The following TLL2 variants were observed in gnomAD, a reference collection of about 807,000 sequenced individuals.
TLL2 encodes tolloid-like protein 2.
A neutral mutation model predicts 123.0 loss-of-function variants in TLL2; 106 were observed. The observed-to-expected ratio is 0.86, with a 90% CI of 0.74 to 1.01. The LOEUF is 1.01. Among genes scored for constraint, TLL2 ranks in the 50% least tolerant of loss-of-function variants. The probability of loss-of-function intolerance (pLI) is 0.00; values close to 1 mark genes in which losing one functional copy is unlikely to be tolerated. For synonymous variants in TLL2, 494 were observed against 516.8 expected (o/e 0.96, Z 0.60); for missense variants, 1,332 against 1,336.7 (o/e 1.00, Z 0.06).
chr10:96,503,396 C>T (rs1847552295), intron 1 of TLL2, among the ~76,000 whole-genome samples: 2 of 152,166 alleles, frequency 1.3e-5, no homozygotes, highest in Admixed American at 6.5e-5. Flanking sequence ...GTTTCAATAT[C>T]GTTATTTTCC....
intron 5 of TLL2, among the ~76,000 whole-genome samples, chr10:96,423,696 G>A (rs1281060846): frequency 6.6e-6 from 1 of 152,130 alleles, no homozygotes; most frequent in Non-Finnish European, 1.5e-5. Context: ...AAAAGGATAT[G>A]TGCATTTGAA....
chr10:96,457,425 C>T (rs925262254), intron 2 of TLL2, among the ~76,000 whole-genome samples: 22 of 152,106 alleles, frequency 1.4e-4, no homozygotes, highest in African/African-American at 5.3e-4. Context: ...TTCATTTAGT[C>T]GGAGGAAAGG....
intron 1 of TLL2, among the ~76,000 whole-genome samples, chr10:96,498,107 C>T (rs1661579861): frequency 6.6e-6 from 1 of 152,166 alleles, no homozygotes; most frequent in East Asian, 1.9e-4. Flanking sequence ...CTCATAAGCC[C>T]TAATAGCTTC....
intron 2 of TLL2, among the ~76,000 whole-genome samples, chr10:96,449,619 T>TC (rs911119259): frequency 6.6e-6 from 1 of 151,884 alleles, no homozygotes; most frequent in African/African-American, 2.4e-5. Flanking sequence ...CTTCCATGGC[T>TC]CCCCCCTGCC....
rs533197264 is a variant in TLL2 at position 96,474,971 on chromosome 10, A to G, written c.286+5378T>C. On this transcript the variant is annotated intron_variant, in intron 2 of 20. Transcript: ENST00000357947. ...TCTCTGTCTGTCCTCTTCTTTTCCT[A>G]TAAGCATGTCAGTCAATAGATTTAG... Among the ~76,000 whole-genome samples the G allele has an allele frequency of 1.7e-4, 26 of 152,200 alleles. No individual in the cohort carries two copies. In the East Asian group the frequency reaches 3.1e-3, roughly 18 times the overall value.
At chr10:96,496,559 C>G (rs946904481) in intron 1 of TLL2, among the ~76,000 whole-genome samples, 3 of 152,186 alleles carry the variant, frequency 2.0e-5, no homozygotes, top group Non-Finnish European at 4.4e-5. Flanking sequence ...TGGCTGGTAC[C>G]TGGGCTGGCG....
intron 10 of TLL2, among the ~76,000 whole-genome samples, chr10:96,404,451 A>T (rs1429982880): frequency 6.6e-6 from 1 of 152,188 alleles, no homozygotes; most frequent in Non-Finnish European, 1.5e-5. Flanking sequence ...TTTAAAAAAT[A>T]CTCTATCACC....
rs144305885 is a variant in TLL2, at chr10:96,498,507, C to T, written c.175+15004G>A. Among the ~76,000 whole-genome samples the T allele has an allele frequency of 2.6e-5, 4 of 152,316 alleles. No homozygotes were observed. In the South Asian group the frequency reaches 8.3e-4, roughly 32 times the overall value. On this transcript the variant is annotated intron_variant, in intron 1 of 20. Transcript: ENST00000357947. Reference sequence around the variant, plus strand: ...CCTCATAAAGGTCCAGCCAGTTTAGCTTATTGTGGCAGAGATTGCTCATTG... The same window carrying T: ...CCTCATAAAGGTCCAGCCAGTTTAGTTTATTGTGGCAGAGATTGCTCATTG...
intron 1 of TLL2, among the ~76,000 whole-genome samples, chr10:96,490,924 G>A (rs1847405885): frequency 6.6e-6 from 1 of 152,180 alleles, no homozygotes; most frequent in African/African-American, 2.4e-5. Flanking sequence ...AGTTTGAGAA[G>A]CACTGACCGA....
intron 3 of TLL2, among the ~76,000 whole-genome samples, chr10:96,435,458 T>G (rs1846787561): frequency 6.6e-6 from 1 of 152,266 alleles, no homozygotes; most frequent in Admixed American, 6.5e-5. Flanking sequence ...CACAAATGTT[T>G]TTAATGAAGT....
intron 1 of TLL2, among the ~76,000 whole-genome samples, chr10:96,481,210 G>A (rs962286910): frequency 1.3e-5 from 2 of 151,744 alleles, no homozygotes; most frequent in African/African-American, 4.8e-5. Flanking sequence ...GCAGTGTCAC[G>A]ATCATAGCTT....
intron 1 of TLL2, among the ~76,000 whole-genome samples, chr10:96,494,853 G>A (rs536942563): frequency 1.3e-5 from 2 of 152,186 alleles, no homozygotes; most frequent in African/African-American, 4.8e-5. Context: ...GTTGACATGC[G>A]GATCCCCAGG....
rs144759980 is a variant in TLL2 at position 96,490,566 on chromosome 10, T to A, written c.176-10107A>T. 2.8e-4 allele frequency among the ~76,000 whole-genome samples: 43 copies of A among 152,310 alleles called. No homozygotes were observed. In the East Asian group the frequency reaches 7.7e-3, roughly 27 times the overall value. On this transcript the variant is annotated intron_variant, in intron 1 of 20. Coordinates refer to ENST00000357947, the MANE Select transcript of TLL2 (RefSeq NM_012465.4). ...AATGGGTTAGCTATTTGAGGAAAAG[T>A]CAGTTGGCTTTGAACCTTATACTAT... is the stretch of plus-strand genomic sequence containing the variant.
At chr10:96,438,212 C>T (rs2134083609) in intron 3 of TLL2, among the ~76,000 whole-genome samples, 1 of 152,272 alleles carries the variant, frequency 6.6e-6, no homozygotes, top group South Asian at 2.1e-4. Context: ...GAACTTGGCA[C>T]CTCTACTCTA....
At chr10:96,410,118 G>A (rs1846486498) in intron 9 of TLL2, among the ~76,000 whole-genome samples, 1 of 152,196 alleles carries the variant, frequency 6.6e-6, no homozygotes, top group Non-Finnish European at 1.5e-5. Flanking sequence ...AGGTTGGAAG[G>A]AACTGTGAGC....
intron 5 of TLL2, among the ~76,000 whole-genome samples, chr10:96,425,720 C>T (rs536592484): frequency 2.4e-4 from 37 of 152,010 alleles, no homozygotes; most frequent in African/African-American, 8.9e-4. Context: ...ATAGAGTCTC[C>T]TTGTGTTTCT....
intron 2 of TLL2, among the ~76,000 whole-genome samples, chr10:96,453,914 G>A (rs1008528479): frequency 9.2e-5 from 14 of 151,822 alleles, no homozygotes; most frequent in African/African-American, 2.9e-4. Flanking sequence ...TCCAAATTTT[G>A]TTCAACATAT....
At chr10:96,394,710 T>G (rs866339973) in intron 13 of TLL2, among the ~76,000 whole-genome samples, 9 of 152,220 alleles carry the variant, frequency 5.9e-5, no homozygotes, top group African/African-American at 2.2e-4. Context: ...TTAGGCCGAC[T>G]GAATTAGATC....
At chr10:96,476,240 A>ATATATATATATTCT in intron 2 of TLL2, among the ~76,000 whole-genome samples, 2 of 20,502 alleles carry the variant, frequency 9.8e-5, no homozygotes, top group Admixed American at 5.2e-4. Flanking sequence ...ATATATATAT[A>ATATATATATATTCT]TTTTATTTTT....
Sources: allele counts gnomAD v4.1 joint callset (sites outside exome capture counted in the v4.1 genomes callset), GRCh38; gene constraint gnomAD v4.1.1; transcripts MANE v1.5; gene names NCBI Gene and HGNC (gene_info 2026-07-23, HGNC 2026-07-21).